TMEM98: variants seen among roughly 807,000 people sequenced by gnomAD.
The protein encoded by TMEM98 is transmembrane protein 98.
A neutral mutation model predicts 25.0 loss-of-function variants in TMEM98; 18 were observed. That is an observed-to-expected ratio of 0.72 (90% CI 0.50 to 1.07). The LOEUF (loss-of-function observed/expected upper bound fraction) is 1.07, where lower values mean the gene tolerates loss of function less well. Ranked by LOEUF, TMEM98 falls within the 50% of genes least tolerant of loss-of-function variation. The pLI, the probability that TMEM98 is intolerant of heterozygous loss-of-function variation, is 0.00. For missense variants in TMEM98, 241 were observed against 289.0 expected (o/e 0.83, Z 1.20); for synonymous variants, 103 against 112.4 (o/e 0.92, Z 0.53).
At chr17:32,939,123 G>A (rs2091513331) in intron 6 of TMEM98, among the ~76,000 whole-genome samples, 1 of 152,072 alleles carries the variant, frequency 6.6e-6, no homozygotes, top group African/African-American at 2.4e-5. Flanking sequence ...AGGAAGGAAG[G>A]GGCCAGGCGT....
intron 6 of TMEM98, among the ~76,000 whole-genome samples, chr17:32,937,646 G>A (rs1376948183): frequency 7.2e-5 from 11 of 151,980 alleles, no homozygotes; most frequent in Admixed American, 2.0e-4. Flanking sequence ...GCTGGAGTGC[G>A]GTGGTGCGAT....
rs2091535951 is a variant in TMEM98 at position 32,942,457 on chromosome 17, C to G, written c.*1464C>G. The G allele has an allele frequency of 6.6e-6, 1 of 152,208 alleles. No individual in the cohort carries two copies. Among genetic ancestry groups the G allele is most frequent in the Non-Finnish European group, 1.5e-5 (1 of 68,042 alleles). The allele number at this position is 152,208 out of a possible 1,614,324, so 9.4% of individuals were successfully genotyped here. ...TCTGTCTAACTGAAGTCAGAAAATT[C>G]CTCAGCTGGATTCTGGGGAACCAGG... On this transcript the variant is annotated 3_prime_UTR_variant, in exon 8 of 8. Transcript: ENST00000579849.
chr17:32,929,128 C>T (rs1004619933), intron 1 of TMEM98, among the ~76,000 whole-genome samples: 3 of 151,914 alleles, frequency 2.0e-5, no homozygotes, highest in Non-Finnish European at 4.4e-5. Context: ...ATAAACAGCT[C>T]ACACAAGCAC....
At position 32,939,409 on chromosome 17, in the gene TMEM98, G is replaced by GAAA; in HGVS notation, c.414-57_414-55dup. ...GTGACAGAGCGAGACTCTGTCTCAG[G>GAAA]AAAAAAAAAAAAAGGAGAAAAGGAG... On this transcript the variant is annotated intron_variant, in intron 6 of 7. Coordinates refer to ENST00000579849, the MANE Select transcript of TMEM98 (RefSeq NM_015544.3). 6.2e-6 allele frequency: 8 copies of GAAA among 1,280,944 alleles called. No individual in the cohort carries two copies. In the East Asian group the frequency reaches 1.2e-4, roughly 18 times the overall value. The allele number at this position is 1,280,944 out of a possible 1,614,324, so 79.3% of individuals were successfully genotyped here. A position where few individuals can be genotyped will look rare whatever the true frequency, so the allele number is the denominator to read the frequency against.
At chr17:32,939,695 C>T (rs1033198514) in intron 7 of TMEM98, among the ~76,000 whole-genome samples, 159 bp downstream of exon 7, 3 of 152,168 alleles carry the variant, frequency 2.0e-5, no homozygotes, top group Non-Finnish European at 2.9e-5. Flanking sequence ...CAGTGAGCGG[C>T]GCCTGACTGG....
At chr17:32,929,085 C>A (rs2091450886) in intron 1 of TMEM98, among the ~76,000 whole-genome samples, 1 of 151,402 alleles carries the variant, frequency 6.6e-6, no homozygotes, top group African/African-American at 2.4e-5. Flanking sequence ...CTGAGAAACA[C>A]AATCAGCTCA....
chr17:32,941,090 C>T lies in TMEM98; in HGVS notation c.*97C>T, dbSNP rs537013626. The T allele has an allele frequency of 2.7e-6, 3 of 1,112,850 alleles. No homozygotes were observed. The East Asian group carries it at 7.8e-5, about 29-fold the overall frequency. 68.9% of individuals were successfully genotyped at this position (1,112,850 alleles called of 1,614,324 possible). On this transcript the variant is annotated 3_prime_UTR_variant, in exon 8 of 8. Coordinates refer to ENST00000579849, the MANE Select transcript of TMEM98 (RefSeq NM_015544.3). ...TTTTTCCTATAGAGTTAGTTGTTCT[C>T]CACGGCTGGAGAGTTCAGCTGTGTG...
rs563421319 is a variant in TMEM98 at position 32,940,833 on chromosome 17, G to A, written c.521G>A (p.Arg174Lys). The change falls in exon 8 of 8, where the codon AGG (arginine) becomes AAG (lysine). Residue 174 changes from arginine to lysine, a missense_variant. Arg to Lys is a conservative substitution (Grantham distance 26). Transcript: ENST00000579849. ...LSVSHLVLVT[R>K]NACHLTGGLD... ...GTCAGTCACCTGGTGCTGGTGACAA[G>A]GAATGCCTGCCATCTGACGGGAGGC... is the stretch of plus-strand genomic sequence containing the variant. 1 of 1,614,220 alleles carries A rather than the reference G, an allele frequency of 6.2e-7. No individual in the cohort carries two copies. The highest frequency in any genetic ancestry group is 8.5e-7 in the Non-Finnish European group (1 of 1,180,034).
rs755559228 is a variant in TMEM98, at chr17:32,934,271, A to C, written c.264-20A>C. The C allele has an allele frequency of 2.5e-6, 4 of 1,613,846 alleles. No individual in the cohort carries two copies. Among genetic ancestry groups the C allele is most frequent in the Non-Finnish European group, 3.4e-6 (4 of 1,179,934 alleles). ...GGGCCCCTCCAGATGAGCACTGATG[A>C]CTTCTTCTTGTTTCCCCAGGGGTCT... On this transcript the variant is annotated intron_variant, in intron 4 of 7. Transcript: ENST00000579849.
intron 5 of TMEM98, 123 bp from the exon 6 acceptor site, chr17:32,936,208 CT>C: frequency 1.4e-6 from 1 of 710,980 alleles, no homozygotes. Context: ...CTTTTCACAT[CT>C]GGCCATTAGG....
At chr17:32,932,275 A>G (rs1328298521) in intron 3 of TMEM98, among the ~76,000 whole-genome samples, 6 of 151,380 alleles carry the variant, frequency 4.0e-5, no homozygotes. Context: ...TAATTTTTGT[A>G]TTTTTAGTAG....
intron 5 of TMEM98, among the ~76,000 whole-genome samples, chr17:32,934,630 C>A (rs1486165859): frequency 6.6e-6 from 1 of 152,152 alleles, no homozygotes; most frequent in African/African-American, 2.4e-5. Context: ...TTCCTGAGAC[C>A]GTGTAGCTGC....
rs367997618 is a variant in TMEM98, at chr17:32,933,248, T to C, written c.206T>C (p.Ile69Thr). The C allele has an allele frequency of 2.5e-6, 4 of 1,614,146 alleles. No homozygotes were observed. Among genetic ancestry groups the C allele is most frequent in the Non-Finnish European group, 3.4e-6 (4 of 1,180,022 alleles). The change falls in exon 4 of 8, where the codon ATC becomes ACC. Residue 69 changes from isoleucine to threonine, a missense_variant. Coordinates refer to ENST00000579849, the MANE Select transcript of TMEM98 (RefSeq NM_015544.3). ...PSELELDDVV[I>T]TNPHIEAILE... ...GAGTTAGAACTGGACGATGTCGTTA[T>C]CACCAACCCCCACATTGAGGCCATT...
At position 32,942,111 on chromosome 17, in the gene TMEM98, A is replaced by G. The variant is rs1296543139; in HGVS notation, c.*1118A>G. 6.6e-6 allele frequency: 1 copy of G among 152,214 alleles called. No homozygotes were observed. The highest frequency in any genetic ancestry group is 6.5e-5 in the Admixed American group (1 of 15,282). 9.4% of individuals were successfully genotyped at this position (152,214 alleles called of 1,614,324 possible). ...TTCAGGCAGAAGTGAAGATAGCACTATGAAGTAGTTTCCACATTAACAATA... is the reference window on the plus strand; with the variant it reads ...TTCAGGCAGAAGTGAAGATAGCACTGTGAAGTAGTTTCCACATTAACAATA... On this transcript the variant is annotated 3_prime_UTR_variant, in exon 8 of 8. Transcript: ENST00000579849.
intron 1 of TMEM98, among the ~76,000 whole-genome samples, chr17:32,928,924 TCA>T (rs1300407539): frequency 9.8e-5 from 12 of 122,592 alleles, no homozygotes; most frequent in Non-Finnish European, 1.5e-4. Context: ...AACACTCAGC[TCA>T]CACACAGAAG....
rs2091545070 is a variant in TMEM98, at chr17:32,944,179, G to A, written c.*3186G>A. ...CTCCAGAGACCCTGTGTGCCCACAC[G>A]AGCAGACTTTTAGAAAATGGCCTAC... On this transcript the variant is annotated 3_prime_UTR_variant, in exon 8 of 8. Coordinates refer to ENST00000579849, the MANE Select transcript of TMEM98 (RefSeq NM_015544.3). 1 of 152,226 alleles carries A rather than the reference G, an allele frequency of 6.6e-6. No homozygotes were observed. The highest frequency in any genetic ancestry group is 1.5e-5 in the Non-Finnish European group (1 of 68,064). The allele number at this position is 152,226 out of a possible 1,614,324, so 9.4% of individuals were successfully genotyped here.
chr17:32,936,121 C>T (rs182192825), intron 5 of TMEM98, among the ~76,000 whole-genome samples: 164 of 152,264 alleles, frequency 1.1e-3, no homozygotes, highest in African/African-American at 3.7e-3. Flanking sequence ...CCTTGATCTG[C>T]GGCTCCCACC....
rs1407154412 is a variant in TMEM98 at position 32,942,857 on chromosome 17, C to A, written c.*1864C>A. The A allele has an allele frequency of 1.3e-5, 2 of 152,218 alleles. No individual in the cohort carries two copies. Among genetic ancestry groups the A allele is most frequent in the Non-Finnish European group, 2.9e-5 (2 of 68,034 alleles). 9.4% of individuals were successfully genotyped at this position (152,218 alleles called of 1,614,324 possible). A position where few individuals can be genotyped will look rare whatever the true frequency, so the allele number is the denominator to read the frequency against. On this transcript the variant is annotated 3_prime_UTR_variant, in exon 8 of 8. Coordinates refer to ENST00000579849, the MANE Select transcript of TMEM98 (RefSeq NM_015544.3). The stretch of plus-strand genomic sequence containing the variant: ...ATCCTATTTTTGTCTTTTTACCTCC[C>A]TTTCAGAACCTGTTTTCGTAATTAG...
intron 5 of TMEM98, among the ~76,000 whole-genome samples, chr17:32,934,967 G>T (rs983381124): frequency 1.5e-4 from 23 of 152,012 alleles, no homozygotes; most frequent in African/African-American, 5.3e-4. Flanking sequence ...CTACCTAATA[G>T]AATAATAACT....
Sources: gnomAD v4.1 joint callset for allele counts (sites outside exome capture counted in the v4.1 genomes callset) on GRCh38, gnomAD v4.1.1 for gene constraint, MANE v1.5 for transcripts, NCBI Gene and HGNC (gene_info 2026-07-23, HGNC 2026-07-21) for gene names.